Variants in MYO1H observed in about 807,000 individuals in gnomAD.
MYO1H encodes the protein unconventional myosin-Ih.
MYO1H carries 118 observed loss-of-function variants against 149.3 expected under a neutral mutation model. The observed-to-expected ratio is 0.79, with a 90% CI of 0.68 to 0.92. The LOEUF is 0.92. Ranked by LOEUF, MYO1H falls within the 40% of genes least tolerant of loss-of-function variation. The probability of loss-of-function intolerance (pLI) is 0.00; values close to 1 mark genes in which losing one functional copy is unlikely to be tolerated. For synonymous variants in MYO1H, 447 were observed against 465.2 expected (o/e 0.96, Z 0.50); for missense variants, 1,212 against 1,280.7 (o/e 0.95, Z 0.82).
chr12:109,365,976 G>A (rs1868857677), intron 1 of MYO1H, among the ~76,000 whole-genome samples: 1 of 152,178 alleles, frequency 6.6e-6, no homozygotes, highest in African/African-American at 2.4e-5. Context: ...GAAGCCTGTT[G>A]TGAACTGCAC....
At chr12:109,443,526 G>A in exon 28 of MYO1H, 1 of 1,613,658 alleles carries the variant, frequency 6.2e-7, no homozygotes. Flanking sequence ...TGGTGTCCCG[G>A]TCATTAAATA....
At chr12:109,446,294 C>CA in intron 31 of MYO1H, 1 of 983,796 alleles carries the variant, frequency 1.0e-6, no homozygotes, top group South Asian at 4.7e-5. Flanking sequence ...GCTGCTAGTA[C>CA]ACGGAGCTTG....
chr12:109,327,322 A>T, the MYO1H span, among the ~76,000 whole-genome samples: 3 of 150,600 alleles, frequency 2.0e-5, no homozygotes, highest in Admixed American at 2.0e-4. Context: ...TTTAGTAGAG[A>T]TGGGGTTTTA....
intron 18 of MYO1H, among the ~76,000 whole-genome samples, chr12:109,426,301 T>C (rs1162279863): frequency 2.0e-5 from 3 of 152,134 alleles, no homozygotes; most frequent in East Asian, 1.9e-4. Flanking sequence ...TTGGGCAACA[T>C]GGCAAAACCC....
intron 1 of MYO1H, among the ~76,000 whole-genome samples, chr12:109,386,152 A>G (rs537802010): frequency 6.6e-6 from 1 of 152,224 alleles, no homozygotes; most frequent in Non-Finnish European, 1.5e-5. Context: ...ACTCAGCATA[A>G]TGTCTGTGAG....
chr12:109,426,082 A>G lies in MYO1H; in HGVS notation c.1831+31A>G, dbSNP rs774142809. ...TTGTGGATCATTATGAACTGGGCTC[A>G]GGGAAAGGAGGCTGGGAGCCAAAGC... On this transcript the variant is annotated intron_variant, in intron 18 of 31. Transcript: ENST00000310903. 5.9e-6 allele frequency: 9 copies of G among 1,537,976 alleles called. No homozygotes were observed. In the South Asian group the frequency reaches 1.0e-4, roughly 17 times the overall value.
the MYO1H span, among the ~76,000 whole-genome samples, chr12:109,341,453 C>T: frequency 6.6e-6 from 1 of 152,060 alleles, no homozygotes; most frequent in Non-Finnish European, 1.5e-5. Flanking sequence ...TAAATGAAGA[C>T]CAACAAAATG....
At chr12:109,408,118 T>C (rs1870482232) in intron 10 of MYO1H, among the ~76,000 whole-genome samples, 1 of 152,224 alleles carries the variant, frequency 6.6e-6, no homozygotes, top group South Asian at 2.1e-4. Context: ...CAAAGCGTGC[T>C]GTGCATAGTG....
intron 1 of MYO1H, among the ~76,000 whole-genome samples, chr12:109,367,604 T>C (rs1868891717): frequency 6.6e-6 from 1 of 152,060 alleles, no homozygotes; most frequent in Admixed American, 6.6e-5. Context: ...CAGGCTGGAG[T>C]ACAATGACAC....
In MYO1H at chr12:109,445,505, A is replaced by G; in HGVS notation, c.2994-8A>G. The G allele has an allele frequency of 6.3e-7, 1 of 1,599,040 alleles. No homozygotes were observed. The highest frequency in any genetic ancestry group is 1.3e-5 in the African/African-American group (1 of 74,554). On this transcript the variant is annotated splice_polypyrimidine_tract_variant and splice_region_variant and intron_variant, in intron 30 of 31. Coordinates refer to ENST00000310903, the Ensembl canonical transcript of MYO1H. ...ATGTCAGTAATGTGTCACTTTGTGTATTTTAAGTTTACAGTTTTTTATTAG... is the reference window on the plus strand; with the variant it reads ...ATGTCAGTAATGTGTCACTTTGTGTGTTTTAAGTTTACAGTTTTTTATTAG...
the MYO1H span, among the ~76,000 whole-genome samples, chr12:109,335,363 A>G: frequency 6.6e-6 from 1 of 152,114 alleles, no homozygotes; most frequent in Non-Finnish European, 1.5e-5. Flanking sequence ...CGTGAGAACT[A>G]TCGTGATGAC....
Position 109,352,094 on chromosome 12 carries a change from C to A in MYO1H, c.12+4122C>A, listed in dbSNP as rs184640132. Among the ~76,000 whole-genome samples the A allele has an allele frequency of 1.8e-3, 274 of 152,242 alleles. 1 individual carries two copies. The highest frequency in any genetic ancestry group is 6.2e-3 in the African/African-American group (256 of 41,530). On this transcript the variant is annotated intron_variant, in intron 1 of 31. Transcript: ENST00000310903. ...TCTCAATACAGTCCAGAAGATGAAG[C>A]CTTTTTTCTCTTTTGGGGAATGGAT...
intron 10 of MYO1H, among the ~76,000 whole-genome samples, chr12:109,409,108 C>T (rs1324461900): frequency 1.3e-5 from 2 of 152,154 alleles, no homozygotes; most frequent in African/African-American, 4.8e-5. Flanking sequence ...AATACATCAT[C>T]TTTAAATACC....
At chr12:109,327,159 G>A in the MYO1H span, among the ~76,000 whole-genome samples, 2 of 113,990 alleles carry the variant, frequency 1.8e-5, no homozygotes, top group Admixed American at 2.1e-4. Context: ...TTGAGACAGA[G>A]TCTCCCTCTG....
intron 30 of MYO1H, chr12:109,445,312 T>A: frequency 2.0e-6 from 1 of 512,412 alleles, no homozygotes; most frequent in Admixed American, 3.6e-5. Context: ...TTTGATCTCA[T>A]GGTAACTACA....
chr12:109,427,780 C>T (rs1468836796), intron 19 of MYO1H, among the ~76,000 whole-genome samples, 194 bp downstream of exon 19: 3 of 143,684 alleles, frequency 2.1e-5, no homozygotes, highest in African/African-American at 7.7e-5. Context: ...TGCGGTGGCT[C>T]ATGCCTGTAA....
the MYO1H span, among the ~76,000 whole-genome samples, chr12:109,316,008 A>G: frequency 5.3e-5 from 8 of 152,146 alleles, no homozygotes; most frequent in African/African-American, 1.9e-4. Flanking sequence ...TCAAATAAGT[A>G]TATTCTTCTT....
intron 17 of MYO1H, among the ~76,000 whole-genome samples, chr12:109,425,085 C>G (rs1185513760): frequency 1.3e-5 from 2 of 152,076 alleles, no homozygotes; most frequent in Non-Finnish European, 2.9e-5. Flanking sequence ...GACTGGGTAA[C>G]ATAATGAGAC....
chr12:109,348,254 A>T (rs1868382051), intron 1 of MYO1H, among the ~76,000 whole-genome samples: 1 of 152,210 alleles, frequency 6.6e-6, no homozygotes, highest in South Asian at 2.1e-4. Flanking sequence ...TGCAATAAAG[A>T]CAGAAATGGT....
Sources: gnomAD v4.1 joint callset for allele counts (sites outside exome capture counted in the v4.1 genomes callset) on GRCh38, gnomAD v4.1.1 for gene constraint, MANE v1.5 for transcripts, NCBI Gene and HGNC (gene_info 2026-07-23, HGNC 2026-07-21) for gene names.